The following TMLHE variants were observed in gnomAD, a reference collection of about 807,000 sequenced individuals.
TMLHE encodes trimethyllysine hydroxylase, epsilon, also known as trimethyllysine dioxygenase, mitochondrial.
In TMLHE, 18 loss-of-function variants were observed where a neutral mutation model predicts 25.7. That is an observed-to-expected ratio of 0.70 (90% confidence interval 0.48 to 1.04). The LOEUF (loss-of-function observed/expected upper bound fraction) is 1.04. Among genes scored for constraint, TMLHE ranks in the 50% least tolerant of loss-of-function variants. The pLI is 0.00. For synonymous variants in TMLHE, 105 were observed against 97.0 expected (o/e 1.08, Z -0.49); for missense variants, 236 against 259.0 (o/e 0.91, Z 0.61).
At chrX:155,507,924 G>A (rs1015530715) in intron 5 of TMLHE, among the ~76,000 whole-genome samples, 1 of 111,241 alleles carries the variant, frequency 9.0e-6, no homozygotes, top group Non-Finnish European at 1.9e-5. Flanking sequence ...GGGCGTTATA[G>A]AGAAGAAGAC....
intron 2 of TMLHE, among the ~76,000 whole-genome samples, chrX:155,542,888 T>C (rs2067321070): frequency 9.0e-6 from 1 of 111,319 alleles, no homozygotes; most frequent in African/African-American, 3.3e-5. Flanking sequence ...TTCTGCAGTT[T>C]TAATATAATA....
In TMLHE at chrX:155,536,508, A is replaced by G. The variant is rs782222077; in HGVS notation, c.181+8588T>C. ...TAGACTTGCCTTTTAGTAGGCTTCA[A>G]TATATCCCCTCATTTTAGTTAAGTT... On this transcript the variant is annotated intron_variant, in intron 2 of 7. Coordinates refer to ENST00000334398, the MANE Select transcript of TMLHE (RefSeq NM_018196.4). Among the ~76,000 whole-genome samples, 374 of 111,551 alleles carry G rather than the reference A, an allele frequency of 3.4e-3. 1 individual carries two copies. Among genetic ancestry groups the G allele is most frequent in the African/African-American group, 0.011 (353 of 30,758 alleles).
intron 2 of TMLHE, among the ~76,000 whole-genome samples, 195 bp from the exon 3 acceptor site, chrX:155,524,827 A>G (rs781892894): frequency 4.5e-5 from 5 of 111,840 alleles, no homozygotes; most frequent in Non-Finnish European, 5.6e-5. Context: ...ATTTAAATAG[A>G]TAAAATGATG....
At chrX:155,590,730 A>G in intron 1 of TMLHE, among the ~76,000 whole-genome samples, 1 of 111,493 alleles carries the variant, frequency 9.0e-6, no homozygotes, top group East Asian at 2.8e-4. Flanking sequence ...AATTAATTAT[A>G]ACAGTATATT....
At chrX:155,516,065 G>C (rs781792450) in intron 3 of TMLHE, among the ~76,000 whole-genome samples, 2 of 45,983 alleles carry the variant, frequency 4.3e-5, no homozygotes, top group South Asian at 3.9e-3. Flanking sequence ...TGTGCACATT[G>C]TGCAGGTTAG....
At chrX:155,575,655 C>T (rs73577089) in intron 1 of TMLHE, among the ~76,000 whole-genome samples, 1,438 of 111,892 alleles carry the variant, frequency 0.013, 34 homozygotes, top group African/African-American at 0.044. Flanking sequence ...GCTAATCCAC[C>T]GCAATCAAAT....
intron 5 of TMLHE, 97 bp from the exon 6 acceptor site, chrX:155,507,231 ATTTTC>A: frequency 1.7e-6 from 1 of 588,115 alleles, no homozygotes; most frequent in South Asian, 3.3e-5. Context: ...ACTACTTGTC[ATTTTC>A]TTTTCATTTC....
At chrX:155,535,757 C>T (rs1281488699) in intron 2 of TMLHE, among the ~76,000 whole-genome samples, 4 of 111,970 alleles carry the variant, frequency 3.6e-5, no homozygotes, top group African/African-American at 1.3e-4. Context: ...AAGCTCCACA[C>T]ATCAGTCAGA....
At chrX:155,532,876 T>C (rs2067257371) in intron 2 of TMLHE, among the ~76,000 whole-genome samples, 2 of 111,356 alleles carry the variant, frequency 1.8e-5, no homozygotes, top group Admixed American at 1.9e-4. Flanking sequence ...ATGTGACCTA[T>C]TTTGTTTGGC....
At chrX:155,576,612 A>G (rs782005097) in intron 1 of TMLHE, among the ~76,000 whole-genome samples, 3 of 112,253 alleles carry the variant, frequency 2.7e-5, no homozygotes, top group Non-Finnish European at 5.6e-5. Context: ...AAACTACACT[A>G]CAAGGCTACT....
chrX:155,530,282 C>A (rs2067242068), intron 2 of TMLHE, among the ~76,000 whole-genome samples: 1 of 110,950 alleles, frequency 9.0e-6, no homozygotes, highest in South Asian at 3.8e-4. Flanking sequence ...ATGGATGAAC[C>A]TGGAGGACAT....
intron 2 of TMLHE, among the ~76,000 whole-genome samples, chrX:155,543,593 A>AT (rs782335618): frequency 2.8e-4 from 32 of 112,356 alleles, no homozygotes; most frequent in Non-Finnish European, 3.9e-4. Flanking sequence ...TAAAATATCT[A>AT]TACTATTCAA....
intron 1 of TMLHE, among the ~76,000 whole-genome samples, chrX:155,577,869 G>A (rs1353723969): frequency 9.0e-6 from 1 of 111,545 alleles, no homozygotes; most frequent in East Asian, 2.8e-4. Context: ...CATCCCTGCT[G>A]CTGCTGCAGG....
At chrX:155,540,708 A>G (rs781840325) in intron 2 of TMLHE, among the ~76,000 whole-genome samples, 2 of 111,826 alleles carry the variant, frequency 1.8e-5, no homozygotes, top group Non-Finnish European at 3.8e-5. Context: ...TTATAGATCT[A>G]TGTTAATGGA....
chrX:155,576,592 A>C (rs1417951982), intron 1 of TMLHE, among the ~76,000 whole-genome samples: 4 of 112,317 alleles, frequency 3.6e-5, no homozygotes, highest in African/African-American at 1.3e-4. Flanking sequence ...GAATCACATT[A>C]CTTGACTTTA....
intron 1 of TMLHE, among the ~76,000 whole-genome samples, chrX:155,600,610 G>A (rs1375114087): frequency 8.9e-6 from 1 of 111,733 alleles, no homozygotes; most frequent in African/African-American, 3.3e-5. Flanking sequence ...AAGCAAATGA[G>A]ACCAGCCTAA....
chrX:155,593,753 A>T (rs1355049319), intron 1 of TMLHE, among the ~76,000 whole-genome samples: 1 of 111,855 alleles, frequency 8.9e-6, no homozygotes, highest in Non-Finnish European at 1.9e-5. Flanking sequence ...ACAATTTTTT[A>T]AAAATAAAAA....
At chrX:155,524,422 C>T (rs1264023050) in intron 3 of TMLHE, 34 bp downstream of exon 3, 17 of 1,057,804 alleles carry the variant, frequency 1.6e-5, no homozygotes, top group Non-Finnish European at 2.1e-5. Flanking sequence ...CAGAAGAGTA[C>T]CCCCAAAGAA....
At chrX:155,609,039 T>A (rs1413622821) in intron 1 of TMLHE, among the ~76,000 whole-genome samples, 1 of 112,120 alleles carries the variant, frequency 8.9e-6, no homozygotes, top group Non-Finnish European at 1.9e-5. Flanking sequence ...CATTATTGGG[T>A]ATATACCCAA....
Sources: gnomAD v4.1 joint callset for allele counts (sites outside exome capture counted in the v4.1 genomes callset) on GRCh38, gnomAD v4.1.1 for gene constraint, MANE v1.5 for transcripts, NCBI Gene and HGNC (gene_info 2026-07-23, HGNC 2026-07-21) for gene names.